RSRP1: variants seen among roughly 807,000 people sequenced by gnomAD.
RSRP1 encodes the protein arginine and serine rich protein 1.
In RSRP1, 37 loss-of-function variants were observed where a neutral mutation model predicts 33.0. That is an observed-to-expected ratio of 1.12 (90% CI 0.86 to 1.48). The LOEUF (loss-of-function observed/expected upper bound fraction) is 1.48. Among genes scored for constraint, RSRP1 ranks in the 40% most tolerant of loss-of-function variants. The pLI, the probability that RSRP1 is intolerant of heterozygous loss-of-function variation, is 0.00. For synonymous variants in RSRP1, 167 were observed against 158.7 expected (o/e 1.05, Z -0.40); for missense variants, 402 against 385.3 (o/e 1.04, Z -0.36).
chr1:25,283,153 TA>T lies in RSRP1; in HGVS notation c.-66-36125del. 1.5e-5 allele frequency among the ~76,000 whole-genome samples: 2 copies of T among 132,330 alleles called. 1 individual carries two copies. Among genetic ancestry groups the T allele is most frequent in the South Asian group, 4.6e-4 (2 of 4,344 alleles). 86.8% of individuals were successfully genotyped at this position (132,330 alleles called of 152,430 possible). A position where few individuals can be genotyped will look rare whatever the true frequency, so the allele number is the denominator to read the frequency against. ...AATGAAGGAGTATGATCATTTCCCC[TA>T]TTTAACAGACAAGAACAAGAAGAGG... On this transcript the variant is annotated intron_variant, in intron 1 of 1. Coordinates refer to the RSRP1 transcript ENST00000561867.
At chr1:25,266,861 T>A (rs1571548035) in intron 1 of RSRP1, 1 of 119,510 alleles carries the variant, frequency 8.4e-6, no homozygotes. Flanking sequence ...CACACGACCT[T>A]CCCCCGAGAG....
At position 25,247,322 on chromosome 1, in the gene RSRP1, C is replaced by A; in HGVS notation, c.-80G>T. ...CAGAAAACTTACCGCACGCCGTCGA[C>A]GCCTCCCTCACGACTGAGAGAAAGG... On this transcript the variant is annotated 5_prime_UTR_variant, in exon 1 of 5. Coordinates refer to ENST00000243189, the MANE Select transcript of RSRP1 (RefSeq NM_020317.5). 1 of 257,734 alleles carries A rather than the reference C, an allele frequency of 3.9e-6. No individual in the cohort carries two copies. Among genetic ancestry groups the A allele is most frequent in the Non-Finnish European group, 7.4e-6 (1 of 135,952 alleles). 16.0% of individuals were successfully genotyped at this position (257,734 alleles called of 1,614,324 possible).
chr1:25,249,175 C>T (rs1203604584), upstream of RSRP1, among the ~76,000 whole-genome samples: 2 of 151,978 alleles, frequency 1.3e-5, no homozygotes, highest in South Asian at 2.1e-4. Context: ...AATAACAACA[C>T]GAGTTTCACA....
At position 25,303,541 on chromosome 1, in the gene RSRP1, C is replaced by T; in HGVS notation, c.-67+34437G>A. ...GGACCTGATGGGCCACTGTGCAGTG[C>T]ACAGCTGCATTAGGCAGGTGTCGGC... is the stretch of plus-strand genomic sequence containing the variant. On this transcript the variant is annotated intron_variant, in intron 1 of 1. Coordinates refer to the RSRP1 transcript ENST00000561867. 9 of 1,243,134 alleles carry T rather than the reference C, an allele frequency of 7.2e-6. 1 individual carries two copies. Among genetic ancestry groups the T allele is most frequent in the Non-Finnish European group, 1.0e-5 (9 of 858,562 alleles). The allele number at this position is 1,243,134 out of a possible 1,614,324, so 77.0% of individuals were successfully genotyped here.
chr1:25,273,933 A>G (rs1640714798), intron 1 of RSRP1, among the ~76,000 whole-genome samples: 2 of 130,640 alleles, frequency 1.5e-5, no homozygotes, highest in African/African-American at 5.2e-5. Context: ...CCCTTATACC[A>G]TTTAAGGTGC....
Position 25,243,647 on chromosome 1 carries a change from G to A in RSRP1, c.673-14C>T. 6.2e-7 allele frequency: 1 copy of A among 1,612,420 alleles called. No individual in the cohort carries two copies. Among genetic ancestry groups the A allele is most frequent in the Non-Finnish European group, 8.5e-7 (1 of 1,179,256 alleles). ...CTTTTCCGACAGCTAGACAGGTTAAGAAAAAGTGTAATTTTAAAACACATA... is the reference window on the plus strand; with the variant it reads ...CTTTTCCGACAGCTAGACAGGTTAAAAAAAAGTGTAATTTTAAAACACATA... On this transcript the variant is annotated splice_polypyrimidine_tract_variant and intron_variant, in intron 3 of 4. Transcript: ENST00000243189.
At chr1:25,254,760 C>T (rs1336850432) in intron 1 of RSRP1, among the ~76,000 whole-genome samples, 2 of 152,086 alleles carry the variant, frequency 1.3e-5, no homozygotes, top group African/African-American at 4.8e-5. Context: ...CATCATTCAG[C>T]TTTGGGGGGT....
At position 25,321,674 on chromosome 1, in the gene RSRP1, TAAATAAAATAAAATA is replaced by T. The variant is rs56928540; in HGVS notation, c.-67+16289_-67+16303del. ...GATAGAGTGAGACTCTGTCTCAAAA[TAAATAAAATAAAATA>T]AAATAAAATAAAATAAAATAGGCTA... On this transcript the variant is annotated intron_variant, in intron 1 of 1. Coordinates refer to the RSRP1 transcript ENST00000561867. Among the ~76,000 whole-genome samples, 156 of 91,300 alleles carry T rather than the reference TAAATAAAATAAAATA, an allele frequency of 1.7e-3. 17 individuals carry two copies. Among genetic ancestry groups the T allele is most frequent in the African/African-American group, 4.6e-3 (141 of 30,758 alleles). 59.9% of individuals were successfully genotyped at this position (91,300 alleles called of 152,430 possible).
intron 1 of RSRP1, among the ~76,000 whole-genome samples, chr1:25,273,684 A>C (rs1234161336): frequency 1.7e-5 from 2 of 120,116 alleles, no homozygotes; most frequent in African/African-American, 5.6e-5. Context: ...AGATGTCCAC[A>C]ATGGTGTGAC....
At chr1:25,291,169 C>T (rs1292977587) in intron 1 of RSRP1, among the ~76,000 whole-genome samples, 31 of 126,186 alleles carry the variant, frequency 2.5e-4, no homozygotes, top group African/African-American at 8.6e-4. Context: ...GATAGACAGA[C>T]AGACAGACAG....
Position 25,283,367 on chromosome 1 carries a change from T to C in RSRP1, c.-66-36338A>G, listed in dbSNP as rs1313800803. ...CCAACATAGCGAAACCCCTTCTCTA[T>C]TAAAAATACAAAAATTAGCCGGGCA... On this transcript the variant is annotated intron_variant, in intron 1 of 1. Coordinates refer to the RSRP1 transcript ENST00000561867. 1.5e-5 allele frequency among the ~76,000 whole-genome samples: 2 copies of C among 130,760 alleles called. 1 individual carries two copies. Among genetic ancestry groups the C allele is most frequent in the African/African-American group, 5.2e-5 (2 of 38,294 alleles). 85.8% of individuals were successfully genotyped at this position (130,760 alleles called of 152,430 possible). A position where few individuals can be genotyped will look rare whatever the true frequency, so the allele number is the denominator to read the frequency against.
At position 25,243,547 on chromosome 1, in the gene RSRP1, T is replaced by G. The variant is rs772458799; in HGVS notation, c.756+3A>C. On this transcript the variant is annotated splice_donor_region_variant and intron_variant, in intron 4 of 4. Transcript: ENST00000243189. ...TGAGTGTTCAATGCCTGGATATACT[T>G]ACATTAGAGCTAAAAGCTATGCTTC... 11 of 1,613,378 alleles carry G rather than the reference T, an allele frequency of 6.8e-6. No homozygotes were observed. The African/African-American group carries it at 1.5e-4, about 21-fold the overall frequency.
intron 1 of RSRP1, among the ~76,000 whole-genome samples, chr1:25,263,405 C>A (rs1299448219): frequency 6.6e-6 from 1 of 151,738 alleles, no homozygotes; most frequent in Admixed American, 6.6e-5. Context: ...CTGGGGAGGC[C>A]TCACAATCAT....
chr1:25,262,747 C>A (rs1196060400), intron 1 of RSRP1, among the ~76,000 whole-genome samples: 4 of 152,160 alleles, frequency 2.6e-5, no homozygotes, highest in Admixed American at 6.5e-5. Context: ...AGCCTGGGAT[C>A]CTGAAATCCA....
At chr1:25,243,312 TA>T (rs1639034654) in intron 4 of RSRP1, among the ~76,000 whole-genome samples, 1 of 151,996 alleles carries the variant, frequency 6.6e-6, no homozygotes, top group South Asian at 2.1e-4. Context: ...AATATTTCAA[TA>T]AAAAAGGGGG....
chr1:25,244,314 G>C, intron 3 of RSRP1: 2 of 1,287,422 alleles, frequency 1.6e-6, no homozygotes, highest in East Asian at 5.5e-5. Flanking sequence ...TTTAAAAATT[G>C]ACTTTAATAC....
rs1202355650 is a variant in RSRP1, at chr1:25,322,054, A to C, written c.-67+15924T>G. 27 of 665,320 alleles carry C rather than the reference A, an allele frequency of 4.1e-5. 4 individuals carry two copies. Among genetic ancestry groups the C allele is most frequent in the Middle Eastern group, 2.6e-4 (1 of 3,818 alleles). 41.2% of individuals were successfully genotyped at this position (665,320 alleles called of 1,614,324 possible). A position where few individuals can be genotyped will look rare whatever the true frequency, so the allele number is the denominator to read the frequency against. On this transcript the variant is annotated intron_variant, in intron 1 of 1. Coordinates refer to the RSRP1 transcript ENST00000561867. ...ATATGTTGACTTGCTGTTTATGAGT[A>C]AAACAAAAACAAAAATGGAGTAAGG... is the stretch of plus-strand genomic sequence containing the variant.
At chr1:25,252,447 C>A (rs1040206760), upstream of RSRP1, among the ~76,000 whole-genome samples, 4 of 151,982 alleles carry the variant, frequency 2.6e-5, no homozygotes, top group Admixed American at 1.3e-4. Flanking sequence ...CGGGAAGCAA[C>A]AGCCTAGGCT....
intron 1 of RSRP1, among the ~76,000 whole-genome samples, chr1:25,298,828 T>C (rs185610010): frequency 7.7e-6 from 1 of 129,882 alleles, no homozygotes; most frequent in African/African-American, 2.6e-5. Context: ...TAGAGAGTGG[T>C]AAGTACCACA....
Sources: allele counts gnomAD v4.1 joint callset (sites outside exome capture counted in the v4.1 genomes callset), GRCh38; gene constraint gnomAD v4.1.1; transcripts MANE v1.5; gene names NCBI Gene and HGNC (gene_info 2026-07-23, HGNC 2026-07-21).